The following DPP6 variants were observed in gnomAD, a reference collection of about 807,000 sequenced individuals.
DPP6 encodes dipeptidyl peptidase like 6.
DPP6 carries 69 observed loss-of-function variants against 122.6 expected under a neutral mutation model. The observed-to-expected ratio is 0.56, with a 90% CI of 0.46 to 0.69. The LOEUF (loss-of-function observed/expected upper bound fraction) is 0.69. Among genes scored for constraint, DPP6 ranks in the 30% least tolerant of loss-of-function variants. The pLI, the probability that DPP6 is intolerant of heterozygous loss-of-function variation, is 0.00. For synonymous variants in DPP6, 418 were observed against 433.1 expected (o/e 0.97, Z 0.43); for missense variants, 928 against 1,116.9 (o/e 0.83, Z 2.41).
chr7:154,000,716 G>A (rs1407157461), intron 1 of DPP6, among the ~76,000 whole-genome samples: 3 of 151,924 alleles, frequency 2.0e-5, no homozygotes, highest in Admixed American at 1.3e-4. Flanking sequence ...ACGTTTCCTG[G>A]ATACTTATGG....
At chr7:154,714,478 C>G (rs1380564544) in intron 7 of DPP6, among the ~76,000 whole-genome samples, 1 of 152,160 alleles carries the variant, frequency 6.6e-6, no homozygotes, top group Non-Finnish European at 1.5e-5. Flanking sequence ...CTAGGGAGGC[C>G]TCAGGAAACT....
intron 1 of DPP6, among the ~76,000 whole-genome samples, chr7:154,078,690 C>G (rs556799622): frequency 6.2e-4 from 94 of 152,058 alleles, no homozygotes; most frequent in South Asian, 1.0e-3. Flanking sequence ...AAATATCTAG[C>G]CAACTCCTGA....
At chr7:154,658,341 A>G (rs1278760482) in intron 6 of DPP6, among the ~76,000 whole-genome samples, 1 of 152,230 alleles carries the variant, frequency 6.6e-6, no homozygotes, top group Non-Finnish European at 1.5e-5. Context: ...AAACTGCTCT[A>G]AAAATATAAA....
intron 8 of DPP6, among the ~76,000 whole-genome samples, chr7:154,740,605 C>G (rs923312597): frequency 1.3e-5 from 2 of 152,192 alleles, no homozygotes; most frequent in African/African-American, 4.8e-5. Flanking sequence ...GTTTAATTAT[C>G]AGTGCCATAA....
the DPP6 span, among the ~76,000 whole-genome samples, chr7:153,845,936 T>C: frequency 6.6e-6 from 1 of 152,236 alleles, no homozygotes; most frequent in Non-Finnish European, 1.5e-5. Context: ...TTTTGGATTA[T>C]TTAATTATTT....
At chr7:154,532,162 G>T (rs1827889836) in intron 3 of DPP6, among the ~76,000 whole-genome samples, 2 of 151,940 alleles carry the variant, frequency 1.3e-5, no homozygotes, top group African/African-American at 4.8e-5. Flanking sequence ...TGATCCAGTG[G>T]ATTTAAATTT....
chr7:154,828,111 T>C (rs1025710833), intron 16 of DPP6, among the ~76,000 whole-genome samples: 1 of 152,118 alleles, frequency 6.6e-6, no homozygotes, highest in Non-Finnish European at 1.5e-5. Context: ...GATTAGCCTG[T>C]AGGAGTGCGC....
intron 5 of DPP6, among the ~76,000 whole-genome samples, chr7:154,595,086 G>T (rs1833013611): frequency 6.6e-6 from 1 of 152,092 alleles, no homozygotes; most frequent in Non-Finnish European, 1.5e-5. Flanking sequence ...GCCATGTGGG[G>T]TGTTACTAAA....
At chr7:153,787,726 C>T in the DPP6 span, among the ~76,000 whole-genome samples, 1 of 150,678 alleles carries the variant, frequency 6.6e-6, no homozygotes, top group Admixed American at 6.6e-5. Flanking sequence ...GTCATGACTT[C>T]AGTCTCGGTG....
intron 6 of DPP6, among the ~76,000 whole-genome samples, chr7:154,665,861 T>C (rs186812143): frequency 3.9e-4 from 59 of 152,262 alleles, no homozygotes; most frequent in African/African-American, 1.4e-3. Flanking sequence ...ACGTTTTTTT[T>C]CAACAGTGAA....
At chr7:153,987,836 A>G (rs1210103273) in intron 1 of DPP6, among the ~76,000 whole-genome samples, 4 of 152,138 alleles carry the variant, frequency 2.6e-5, no homozygotes, top group African/African-American at 7.2e-5. Flanking sequence ...ATCCTCCTTC[A>G]CAGCCAAGGG....
intron 1 of DPP6, among the ~76,000 whole-genome samples, chr7:154,194,618 G>A (rs1179471585): frequency 6.6e-6 from 1 of 152,170 alleles, no homozygotes; most frequent in African/African-American, 2.4e-5. Flanking sequence ...ATACATAAAT[G>A]GAACCATATA....
In DPP6 at chr7:154,716,119, T is replaced by A. The variant is rs146106285; in HGVS notation, c.763-11648T>A. On this transcript the variant is annotated intron_variant, in intron 7 of 25. Coordinates refer to ENST00000377770, the MANE Select transcript of DPP6 (RefSeq NM_130797.4). Reference sequence around the variant, plus strand: ...TTGTGCTTTCACTATTTCTTAGGCCTCCCCACCTCCAGACTTCTGCCTCCC... The same window carrying A: ...TTGTGCTTTCACTATTTCTTAGGCCACCCCACCTCCAGACTTCTGCCTCCC... Among the ~76,000 whole-genome samples, 459 of 152,264 alleles carry A rather than the reference T, an allele frequency of 3.0e-3. 2 individuals are homozygous for A. The highest frequency in any genetic ancestry group is 0.01 in the African/African-American group (436 of 41,562).
At chr7:154,881,561 A>ATGG (rs1330786796) in intron 21 of DPP6, among the ~76,000 whole-genome samples, 1 of 152,172 alleles carries the variant, frequency 6.6e-6, no homozygotes, top group Non-Finnish European at 1.5e-5. Context: ...CAGCACACAG[A>ATGG]TGGGTCGGTA....
intron 1 of DPP6, among the ~76,000 whole-genome samples, chr7:154,105,377 C>T (rs937062486): frequency 6.6e-5 from 10 of 152,136 alleles, no homozygotes; most frequent in Non-Finnish European, 1.0e-4. Context: ...CCAGGCCTGC[C>T]GAGGCTGCTC....
chr7:154,663,202 G>T (rs1473816076), intron 6 of DPP6, among the ~76,000 whole-genome samples: 1 of 56,254 alleles, frequency 1.8e-5, no homozygotes, highest in Non-Finnish European at 4.4e-5. Flanking sequence ...TGGTGAATCA[G>T]CATGGTGTAT....
intron 5 of DPP6, among the ~76,000 whole-genome samples, chr7:154,572,510 C>CTTTTTTTTTTTTTTTTTTTTTTTTTTT: frequency 1.2e-5 from 1 of 86,144 alleles, no homozygotes; most frequent in African/African-American, 4.7e-5. Context: ...TTTTTCTTTT[C>CTTTTTTTTTTTTTTTTTTTTTTTTTTT]TTTTTTTTTT....
intron 1 of DPP6, among the ~76,000 whole-genome samples, chr7:154,031,957 C>G (rs1265542587): frequency 1.9e-4 from 28 of 149,778 alleles, no homozygotes; most frequent in African/African-American, 5.9e-4. Context: ...TGCCTCCTGG[C>G]TTCATGCCAT....
intron 3 of DPP6, among the ~76,000 whole-genome samples, chr7:154,489,225 A>G (rs895872642): frequency 4.6e-5 from 7 of 152,166 alleles, no homozygotes; most frequent in Admixed American, 1.3e-4. Flanking sequence ...AACTGTTGCC[A>G]ATAAAGACCA....
Sources: gnomAD v4.1 joint callset for allele counts (sites outside exome capture counted in the v4.1 genomes callset) on GRCh38, gnomAD v4.1.1 for gene constraint, MANE v1.5 for transcripts, NCBI Gene and HGNC (gene_info 2026-07-23, HGNC 2026-07-21) for gene names.